SEPTIN14: variants seen among roughly 807,000 people sequenced by gnomAD.
The protein encoded by SEPTIN14 is septin-14.
In SEPTIN14, 40 loss-of-function variants were observed where a neutral mutation model predicts 53.6. The ratio of observed to expected loss-of-function variants is 0.75; its 90% confidence interval spans 0.58 to 0.97. The LOEUF (loss-of-function observed/expected upper bound fraction) is 0.97, where lower values mean the gene tolerates loss of function less well. SEPTIN14 is among the 50% of genes least tolerant of loss of function. The pLI is 0.00. For synonymous variants in SEPTIN14, 138 were observed against 166.8 expected (o/e 0.83, Z 1.33); for missense variants, 471 against 508.2 (o/e 0.93, Z 0.70).
intron 6 of SEPTIN14, among the ~76,000 whole-genome samples, chr7:55,832,191 A>ACTCTGT (rs1789119428): frequency 7.2e-6 from 1 of 138,000 alleles, no homozygotes; most frequent in Non-Finnish European, 1.5e-5. Flanking sequence ...ACAGGGCGAG[A>ACTCTGT]CTCTGTCTCA....
rs1788594519 is a variant in SEPTIN14 at position 55,805,347 on chromosome 7, G to A, written c.1030C>T (p.Gln344Ter). ...FEAKRQEFYD[Q>*]CQREEEELKQ... ...AACTCTTCTTCTTCCCTCTGACATT[G>A]ATCATAGAACTCTTGTCTTTTGGCT... The change falls in exon 9 of 10, where the codon CAA becomes TAA. Residue 344 changes from glutamine to a stop codon, truncating the protein, a stop_gained. Transcript: ENST00000388975. LOFTEE classifies it high-confidence loss of function. 20 of 1,601,002 alleles carry A rather than the reference G, an allele frequency of 1.2e-5. No individual in the cohort carries two copies. Among genetic ancestry groups the A allele is most frequent in the Non-Finnish European group, 1.7e-5 (20 of 1,172,326 alleles).
intron 3 of SEPTIN14, among the ~76,000 whole-genome samples, chr7:55,846,064 A>ATTATATATATATATAT: frequency 1.4e-4 from 1 of 7,384 alleles, no homozygotes; most frequent in East Asian, 2.5e-3. Flanking sequence ...AAAAAAAAAA[A>ATTATATATATATATAT]GTATATATAT....
At chr7:55,803,850 C>T (rs1219587202) in intron 9 of SEPTIN14, among the ~76,000 whole-genome samples, 2 of 151,564 alleles carry the variant, frequency 1.3e-5, no homozygotes, top group Non-Finnish European at 1.5e-5. Context: ...TGAGGCCAGG[C>T]GCGATGGCTC....
chr7:55,795,784 G>A lies in SEPTIN14; in HGVS notation c.*129C>T, dbSNP rs1001807833. The A allele has an allele frequency of 1.2e-5, 9 of 737,878 alleles. No homozygotes were observed. The highest frequency in any genetic ancestry group is 2.0e-5 in the Non-Finnish European group (9 of 443,064). 45.7% of individuals were successfully genotyped at this position (737,878 alleles called of 1,614,324 possible). On this transcript the variant is annotated 3_prime_UTR_variant, in exon 10 of 10. Transcript: ENST00000388975. The stretch of plus-strand genomic sequence containing the variant: ...CACCCCGCTAGGAGTTCACACTTTA[G>A]TTGGGGAAAATATACAATAAGCAAG...
At chr7:55,861,296 G>A (rs1226757264) in intron 2 of SEPTIN14, among the ~76,000 whole-genome samples, 2 of 152,094 alleles carry the variant, frequency 1.3e-5, no homozygotes, top group South Asian at 2.1e-4. Context: ...TCAGGAGTTC[G>A]AGACCAGCCT....
chr7:55,857,986 CTG>C (rs768337103), intron 2 of SEPTIN14, among the ~76,000 whole-genome samples: 4 of 152,108 alleles, frequency 2.6e-5, no homozygotes, highest in South Asian at 4.1e-4. Flanking sequence ...TGATAGGACT[CTG>C]AAAAAAAAAT....
intron 9 of SEPTIN14, among the ~76,000 whole-genome samples, chr7:55,799,337 C>A (rs566693053): frequency 7.1e-4 from 103 of 145,520 alleles, no homozygotes; most frequent in African/African-American, 2.5e-3. Flanking sequence ...GAAACGCCAT[C>A]TCTACTAAAA....
chr7:55,843,198 T>G (rs1789344954), intron 4 of SEPTIN14, 70 bp from the exon 5 acceptor site: 1 of 918,628 alleles, frequency 1.1e-6, no homozygotes. Flanking sequence ...GACCACTTAA[T>G]GAGCAGTTAA....
At chr7:55,830,712 T>TA (rs911021585) in intron 6 of SEPTIN14, among the ~76,000 whole-genome samples, 7 of 150,414 alleles carry the variant, frequency 4.7e-5, no homozygotes, top group African/African-American at 1.2e-4. Context: ...TATATTCCTT[T>TA]AAAAAAAAAG....
chr7:55,845,590 A>G (rs1339664412), intron 3 of SEPTIN14, among the ~76,000 whole-genome samples: 1 of 152,214 alleles, frequency 6.6e-6, no homozygotes, highest in Non-Finnish European at 1.5e-5. Flanking sequence ...CGGGTAATAG[A>G]TACATTAATT....
intron 6 of SEPTIN14, 116 bp from the exon 7 acceptor site, chr7:55,819,339 C>T: frequency 1.4e-6 from 1 of 739,586 alleles, no homozygotes; most frequent in Non-Finnish European, 2.3e-6. Flanking sequence ...CCTGTAATCC[C>T]AGCACTTTGG....
intron 7 of SEPTIN14, among the ~76,000 whole-genome samples, chr7:55,816,242 A>G (rs1788787648): frequency 6.6e-6 from 1 of 152,160 alleles, no homozygotes; most frequent in Non-Finnish European, 1.5e-5. Flanking sequence ...GTTGATGGGT[A>G]CGAATATATA....
intron 2 of SEPTIN14, among the ~76,000 whole-genome samples, chr7:55,853,564 G>A (rs888546597): frequency 1.3e-5 from 2 of 152,066 alleles, no homozygotes; most frequent in Non-Finnish European, 2.9e-5. Context: ...ATGGTTAATG[G>A]GTACAAGGAT....
chr7:55,823,522 C>T (rs1562711255), intron 6 of SEPTIN14, among the ~76,000 whole-genome samples: 1 of 152,178 alleles, frequency 6.6e-6, no homozygotes, highest in Non-Finnish European at 1.5e-5. Context: ...TTAACACAGG[C>T]AGGCTGGGGC....
chr7:55,842,918 A>T, intron 5 of SEPTIN14, 24 bp downstream of exon 5: 2 of 1,427,986 alleles, frequency 1.4e-6, no homozygotes, highest in Non-Finnish European at 1.9e-6. Context: ...AAAAAAAAAA[A>T]GATGGTAGAT....
At chr7:55,808,009 C>T (rs1252730448) in intron 7 of SEPTIN14, among the ~76,000 whole-genome samples, 2 of 151,854 alleles carry the variant, frequency 1.3e-5, no homozygotes, top group African/African-American at 4.8e-5. Context: ...ATATATAAGG[C>T]AAATATTAGC....
At position 55,834,437 on chromosome 7, in the gene SEPTIN14, G is replaced by A. The variant is rs1449857343; in HGVS notation, c.708C>T (p.Asn236=). 6.2e-7 allele frequency: 1 copy of A among 1,609,824 alleles called. No homozygotes were observed. Among genetic ancestry groups the A allele is most frequent in the South Asian group, 1.1e-5 (1 of 90,088 alleles). The change falls in exon 6 of 10, where the codon AAC becomes AAT. Residue 236 remains asparagine, a synonymous_variant. Transcript: ENST00000388975. ...PTDEETAAQA[N]SSVSGLLPFA... ...TACTGAAACTTACACTAACTGAGGAGTTCGCTTGAGCAGCAGTTTCTTCAT... is the reference window on the plus strand; with the variant it reads ...TACTGAAACTTACACTAACTGAGGAATTCGCTTGAGCAGCAGTTTCTTCAT...
chr7:55,810,291 T>C (rs1167228354), intron 7 of SEPTIN14, among the ~76,000 whole-genome samples: 1 of 152,084 alleles, frequency 6.6e-6, no homozygotes, highest in Non-Finnish European at 1.5e-5. Flanking sequence ...CCTTTGCCCA[T>C]TTTTCCTTGT....
At chr7:55,830,350 T>TATATATATATATATATATATA (rs1554330088) in intron 6 of SEPTIN14, among the ~76,000 whole-genome samples, 2 of 14,622 alleles carry the variant, frequency 1.4e-4, no homozygotes, top group African/African-American at 7.7e-4. Context: ...TATATATATA[T>TATATATATATATATATATATA]TTTTTTTTTT....
Sources: gnomAD v4.1 joint callset for allele counts (sites outside exome capture counted in the v4.1 genomes callset) on GRCh38, gnomAD v4.1.1 for gene constraint, MANE v1.5 for transcripts, NCBI Gene and HGNC (gene_info 2026-07-23, HGNC 2026-07-21) for gene names.